Variants in FAAH2 observed in about 807,000 individuals in gnomAD.
The protein encoded by FAAH2 is fatty-acid amide hydrolase 2.
A neutral mutation model predicts 36.9 loss-of-function variants in FAAH2; 60 were observed. That is an observed-to-expected ratio of 1.63 (90% CI 1.32 to 2.02). The LOEUF is 2.02. FAAH2 is among the 30% of genes most tolerant of loss of function. The pLI is 0.00. For missense variants in FAAH2, 689 were observed against 397.5 expected, an observed-to-expected ratio of 1.73 and a Z score of -6.23; for synonymous variants, 214 against 143.8, an observed-to-expected ratio of 1.49 and a Z score of -3.49.
At chrX:57,230,325 G>A in the FAAH2 span, among the ~76,000 whole-genome samples, 1 of 111,881 alleles carries the variant, frequency 8.9e-6, no homozygotes, top group Non-Finnish European at 1.9e-5. Context: ...GGGGAAAGGT[G>A]GTATCAAAGA....
chrX:57,170,633 G>A, the FAAH2 span, among the ~76,000 whole-genome samples: 1 of 109,413 alleles, frequency 9.1e-6, no homozygotes, highest in Admixed American at 9.8e-5. Context: ...ATACCACTCT[G>A]TATGTTTTTG....
intron 10 of FAAH2, among the ~76,000 whole-genome samples, chrX:57,464,056 T>C (rs1395134924): frequency 8.9e-6 from 1 of 112,142 alleles, no homozygotes; most frequent in Non-Finnish European, 1.9e-5. Flanking sequence ...ATATACACCA[T>C]AAAGTACTAT....
the FAAH2 span, among the ~76,000 whole-genome samples, chrX:57,162,173 A>G: frequency 4.5e-5 from 5 of 111,819 alleles, no homozygotes; most frequent in African/African-American, 1.6e-4. Context: ...TTCTTTAAGA[A>G]TGTTGAATAT....
the FAAH2 span, among the ~76,000 whole-genome samples, chrX:57,170,736 A>G: frequency 5.4e-4 from 58 of 106,471 alleles, no homozygotes; most frequent in African/African-American, 2.0e-3. Flanking sequence ...ATGGAGTCAC[A>G]CTCTGTTGCC....
intron 5 of FAAH2, 64 bp downstream of exon 5, chrX:57,341,454 G>T (rs1341808631): frequency 1.8e-6 from 2 of 1,104,935 alleles, no homozygotes; most frequent in African/African-American, 3.7e-5. Flanking sequence ...CAGAAATTTT[G>T]TTCTAGCAGG....
At chrX:57,291,322 T>C (rs2051976546) in intron 1 of FAAH2, among the ~76,000 whole-genome samples, 1 of 112,203 alleles carries the variant, frequency 8.9e-6, no homozygotes, top group African/African-American at 3.2e-5. Context: ...TACAGCATCC[T>C]CATGTATCAT....
chrX:57,388,898 G>T (rs1055523938), intron 7 of FAAH2, among the ~76,000 whole-genome samples: 1 of 109,653 alleles, frequency 9.1e-6, no homozygotes, highest in Non-Finnish European at 1.9e-5. Flanking sequence ...ATTGAAATAC[G>T]CATTTAAGTT....
chrX:57,237,912 T>C, the FAAH2 span, among the ~76,000 whole-genome samples: 1,194 of 111,860 alleles, frequency 0.011, 19 homozygotes, highest in African/African-American at 0.037. Flanking sequence ...TTAATATCAC[T>C]GATCATAAGA....
At chrX:57,234,912 C>G in the FAAH2 span, among the ~76,000 whole-genome samples, 1 of 111,382 alleles carries the variant, frequency 9.0e-6, no homozygotes, top group Non-Finnish European at 1.9e-5. Flanking sequence ...GTGGTGCACC[C>G]TAGTAATCCT....
At chrX:57,183,426 A>G in the FAAH2 span, among the ~76,000 whole-genome samples, 2 of 111,522 alleles carry the variant, frequency 1.8e-5, no homozygotes, top group African/African-American at 3.3e-5. Flanking sequence ...ACTGATAAAC[A>G]TCTATCAATA....
At chrX:57,187,345 C>T in the FAAH2 span, among the ~76,000 whole-genome samples, 2 of 110,257 alleles carry the variant, frequency 1.8e-5, no homozygotes, top group African/African-American at 6.6e-5. Context: ...TGGGGGTTCA[C>T]TCATAATTTG....
chrX:57,408,160 C>A (rs747320942), intron 7 of FAAH2, among the ~76,000 whole-genome samples: 73 of 110,637 alleles, frequency 6.6e-4, no homozygotes, highest in Middle Eastern at 4.7e-3. Context: ...TAGTTCCATA[C>A]AAATTTTAGG....
the FAAH2 span, among the ~76,000 whole-genome samples, chrX:57,237,773 A>G: frequency 9.0e-6 from 1 of 111,407 alleles, no homozygotes; most frequent in Non-Finnish European, 1.9e-5. Flanking sequence ...AATATCCAGC[A>G]TCTATAAGAA....
intron 5 of FAAH2, among the ~76,000 whole-genome samples, chrX:57,369,370 C>G (rs904459851): frequency 1.8e-5 from 2 of 110,825 alleles, no homozygotes; most frequent in Non-Finnish European, 3.8e-5. Context: ...TATCCAGATC[C>G]ATGAAGCTCA....
At chrX:57,160,120 G>A in the FAAH2 span, among the ~76,000 whole-genome samples, 1 of 111,690 alleles carries the variant, frequency 9.0e-6, no homozygotes, top group Non-Finnish European at 1.9e-5. Flanking sequence ...CGTTGGTGCT[G>A]TTTATATGCT....
At chrX:57,218,516 T>C in the FAAH2 span, among the ~76,000 whole-genome samples, 15 of 112,296 alleles carry the variant, frequency 1.3e-4, no homozygotes, top group Non-Finnish European at 2.4e-4. Context: ...GAGTTGCATA[T>C]CTTTAACCAC....
chrX:57,147,041 C>A, the FAAH2 span, among the ~76,000 whole-genome samples: 8 of 110,887 alleles, frequency 7.2e-5, no homozygotes, highest in African/African-American at 2.0e-4. Context: ...TTGGTTATGT[C>A]TTTTCCCGGT....
At chrX:57,428,717 CT>C (rs1054173715) in intron 7 of FAAH2, among the ~76,000 whole-genome samples, 2 of 111,768 alleles carry the variant, frequency 1.8e-5, no homozygotes, top group African/African-American at 6.5e-5. Context: ...ACCTGTATCT[CT>C]CACCATATGC....
At chrX:57,479,039 C>A (rs1239522608) in intron 10 of FAAH2, among the ~76,000 whole-genome samples, 2 of 111,266 alleles carry the variant, frequency 1.8e-5, no homozygotes, top group Non-Finnish European at 3.8e-5. Context: ...ACATTGGTAG[C>A]TTGATGGGGA....
Sources: allele counts gnomAD v4.1 joint callset (sites outside exome capture counted in the v4.1 genomes callset), GRCh38; gene constraint gnomAD v4.1.1; transcripts MANE v1.5; gene names NCBI Gene and HGNC (gene_info 2026-07-23, HGNC 2026-07-21).